Variants in PTPRS observed in about 807,000 individuals in gnomAD.
The protein encoded by PTPRS is receptor-type tyrosine-protein phosphatase S.
In PTPRS, 63 loss-of-function variants were observed where a neutral mutation model predicts 215.3. That is an observed-to-expected ratio of 0.29 (90% CI 0.24 to 0.36). The LOEUF (loss-of-function observed/expected upper bound fraction) is 0.36. Ranked by LOEUF, PTPRS falls within the 10% of genes least tolerant of loss-of-function variation. The probability of loss-of-function intolerance (pLI) is 1.00; values close to 1 mark genes in which losing one functional copy is unlikely to be tolerated. For missense variants in PTPRS, 2,258 were observed against 2,825.8 expected (o/e 0.80, Z 4.56); for synonymous variants, 1,404 against 1,191.4 (o/e 1.18, Z -3.68).
rs529089637 is a variant in PTPRS, at chr19:5,235,227, G to A, written c.1850-3612C>T. Among the ~76,000 whole-genome samples, 18 of 151,954 alleles carry A rather than the reference G, an allele frequency of 1.2e-4. No homozygotes were observed. The East Asian group carries it at 1.4e-3, about 12-fold the overall frequency. ...AGTGCTGGGATTACAGGCATGAGCCGCCGCGCCCGGCCAATAGTTTTCATT... is the reference window on the plus strand; with the variant it reads ...AGTGCTGGGATTACAGGCATGAGCCACCGCGCCCGGCCAATAGTTTTCATT... On this transcript the variant is annotated intron_variant, in intron 13 of 37. Transcript: ENST00000262963.
chr19:5,252,904 A>G (rs1568486085), intron 9 of PTPRS, among the ~76,000 whole-genome samples: 1 of 151,402 alleles, frequency 6.6e-6, no homozygotes, highest in Non-Finnish European at 1.5e-5. Context: ...AAAGTAAAAG[A>G]AAAAGAAAAT....
Position 5,218,770 on chromosome 19 carries a change from G to T in PTPRS, c.3935+17C>A. 6.2e-7 allele frequency: 1 copy of T among 1,612,382 alleles called. No homozygotes were observed. The highest frequency in any genetic ancestry group is 8.5e-7 in the Non-Finnish European group (1 of 1,179,018). ...TCCTCTTGCCTGAAGCCTCCACGGGGGAGGGCTGGTTCTTACCTGTCGGGT... is the reference window on the plus strand; with the variant it reads ...TCCTCTTGCCTGAAGCCTCCACGGGTGAGGGCTGGTTCTTACCTGTCGGGT... On this transcript the variant is annotated intron_variant, in intron 24 of 37. Coordinates refer to ENST00000262963, the MANE Select transcript of PTPRS (RefSeq NM_002850.4).
chr19:5,225,137 G>A (rs2042365989), intron 17 of PTPRS, among the ~76,000 whole-genome samples: 2 of 152,180 alleles, frequency 1.3e-5, no homozygotes, highest in Admixed American at 1.3e-4. Context: ...GCCCCTTGGG[G>A]ACGATGGAAG....
In PTPRS at chr19:5,294,050, T is replaced by C. The variant is rs370283508; in HGVS notation, c.-94-7816A>G. ...CGGAATGTAGAAGCCCAGCGGGACC[T>C]GGGGGTCTGGGGACGGGACAGGGGC... On this transcript the variant is annotated intron_variant, in intron 1 of 37. Coordinates refer to ENST00000262963, the MANE Select transcript of PTPRS (RefSeq NM_002850.4). The surrounding 1 kb of genome is among the most constrained non-coding windows in gnomAD (Gnocchi z 5.1). 3.7e-4 allele frequency among the ~76,000 whole-genome samples: 56 copies of C among 152,002 alleles called. No homozygotes were observed. Among genetic ancestry groups the C allele is most frequent in the East Asian group, 2.0e-3 (10 of 5,128 alleles).
chr19:5,214,800 C>T (rs1212413683), intron 28 of PTPRS, 64 bp from the exon 29 acceptor site: 62 of 1,493,372 alleles, frequency 4.2e-5, no homozygotes, highest in Non-Finnish European at 5.5e-5. Context: ...CTCTGTGTGG[C>T]CAACCACTTC....
At position 5,313,800 on chromosome 19, in the gene PTPRS, A is replaced by C. The variant is rs554726066; in HGVS notation, c.-95+26864T>G. ...AGAAGAAACCCTGCAACGTGGTTCT[A>C]AGACCACAGGTTTGCTGGGCACGCA... On this transcript the variant is annotated intron_variant, in intron 1 of 37. Transcript: ENST00000262963. Among the ~76,000 whole-genome samples, 8 of 152,194 alleles carry C rather than the reference A, an allele frequency of 5.3e-5. No homozygotes were observed. The South Asian group carries it at 1.7e-3, about 32-fold the overall frequency.
chr19:5,231,255 G>A, intron 14 of PTPRS, 55 bp downstream of exon 14: 2 of 1,522,986 alleles, frequency 1.3e-6, no homozygotes, highest in Non-Finnish European at 1.8e-6. Flanking sequence ...AAGGCTTCGA[G>A]GCGGGGGCCG....
intron 2 of PTPRS, among the ~76,000 whole-genome samples, chr19:5,283,190 G>GCC (rs2048018195): frequency 1.4e-5 from 2 of 141,118 alleles, no homozygotes; most frequent in Non-Finnish European, 3.1e-5. Context: ...CCAGCCCCAC[G>GCC]GCATCCTGGG....
intron 1 of PTPRS, among the ~76,000 whole-genome samples, chr19:5,313,031 C>T (rs1394076625): frequency 6.6e-6 from 1 of 152,214 alleles, no homozygotes; most frequent in African/African-American, 2.4e-5. Flanking sequence ...TCTCCTGCCT[C>T]AGCCTCCCAA....
At chr19:5,228,834 C>T (rs773669760) in intron 16 of PTPRS, among the ~76,000 whole-genome samples, 8 of 152,218 alleles carry the variant, frequency 5.3e-5, no homozygotes, top group Non-Finnish European at 7.3e-5. Context: ...ACTCTGGCCC[C>T]GCTGACACCT....
At position 5,205,666 on chromosome 19, in the gene PTPRS, A is replaced by AGG. The variant is rs1244063364; in HGVS notation, c.*1106_*1107dup. ...TCGCTTGCTCAGGGTAGGCGGGTAG[A>AGG]GGGGGGCCTGTCCTTCTGGTTTTGC... On this transcript the variant is annotated 3_prime_UTR_variant, in exon 38 of 38. Transcript: ENST00000262963. Among the ~76,000 whole-genome samples, 1 of 152,202 alleles carries AGG rather than the reference A, an allele frequency of 6.6e-6. No individual in the cohort carries two copies. The highest frequency in any genetic ancestry group is 1.5e-5 in the Non-Finnish European group (1 of 68,024).
intron 7 of PTPRS, among the ~76,000 whole-genome samples, chr19:5,260,285 T>C (rs2045884945): frequency 6.6e-6 from 1 of 151,696 alleles, no homozygotes; most frequent in African/African-American, 2.4e-5. Flanking sequence ...GTTCAAGTGA[T>C]TCTCCTGCCT....
chr19:5,286,440 C>T (rs2048357892), intron 1 of PTPRS: 1 of 418,136 alleles, frequency 2.4e-6, no homozygotes, highest in Non-Finnish European at 4.5e-6. Flanking sequence ...CACAAAAAAT[C>T]ATATGTTGAA....
Position 5,339,754 on chromosome 19 carries a change from T to TC in PTPRS, c.-95+909dup, listed in dbSNP as rs1405629478. Reference sequence around the variant, plus strand: ...GCCCCGCCCCCGGTATGACGTCACCTCCCCTCCCCCCGCAGCCCCCGGGGG... The same window carrying TC: ...GCCCCGCCCCCGGTATGACGTCACCTCCCCCTCCCCCCGCAGCCCCCGGGGG... On this transcript the variant is annotated intron_variant, in intron 1 of 37. Transcript: ENST00000262963. This position sits in a 1 kb window ranked among gnomAD's most constrained non-coding sequence, Gnocchi z 4.2. Among the ~76,000 whole-genome samples, 8 of 150,820 alleles carry TC rather than the reference T, an allele frequency of 5.3e-5. No individual in the cohort carries two copies. The highest frequency in any genetic ancestry group is 1.5e-4 in the African/African-American group (6 of 41,018).
chr19:5,304,336 C>T (rs2049406445), intron 1 of PTPRS, among the ~76,000 whole-genome samples: 1 of 152,070 alleles, frequency 6.6e-6, no homozygotes, highest in African/African-American at 2.4e-5. Flanking sequence ...TAAAAATAGC[C>T]AGGCGTGGTG....
At chr19:5,271,675 G>A (rs1266971247) in intron 4 of PTPRS, among the ~76,000 whole-genome samples, 1 of 151,730 alleles carries the variant, frequency 6.6e-6, no homozygotes, top group African/African-American at 2.4e-5. Flanking sequence ...TGGGATTACC[G>A]GCGTGAGCTA....
chr19:5,289,901 T>C (rs2048669826), intron 1 of PTPRS, among the ~76,000 whole-genome samples: 1 of 152,110 alleles, frequency 6.6e-6, no homozygotes, highest in Non-Finnish European at 1.5e-5. Flanking sequence ...GGGAGGGAAA[T>C]GGCCAGGTTG....
chr19:5,301,352 G>A (rs1388352083), intron 1 of PTPRS, among the ~76,000 whole-genome samples: 1 of 144,230 alleles, frequency 6.9e-6, no homozygotes, highest in Non-Finnish European at 1.5e-5. Context: ...GTCTCGCTCT[G>A]TCACCCAGGC....
At chr19:5,256,691 G>A (rs889512510) in intron 8 of PTPRS, among the ~76,000 whole-genome samples, 2 of 152,142 alleles carry the variant, frequency 1.3e-5, no homozygotes, top group East Asian at 1.9e-4. Context: ...CAGAGGTGCC[G>A]TGACAGTGGA....
Sources: gnomAD v4.1 joint callset for allele counts (sites outside exome capture counted in the v4.1 genomes callset) on GRCh38, gnomAD v4.1.1 for gene constraint, Gnocchi (gnomAD v3.1) non-coding constraint, MANE v1.5 for transcripts, NCBI Gene and HGNC (gene_info 2026-07-23, HGNC 2026-07-21) for gene names.